Variants in PITPNM2 observed in about 807,000 individuals in gnomAD.
PITPNM2 encodes the protein membrane-associated phosphatidylinositol transfer protein 2.
PITPNM2 carries 35 observed loss-of-function variants against 132.2 expected under a neutral mutation model. The observed-to-expected ratio is 0.26, with a 90% CI of 0.20 to 0.35. PITPNM2 has a LOEUF of 0.35. Among genes scored for constraint, PITPNM2 ranks in the 10% least tolerant of loss-of-function variants. The probability of loss-of-function intolerance (pLI) is 1.00; values close to 1 mark genes in which losing one functional copy is unlikely to be tolerated. For synonymous variants in PITPNM2, 738 were observed against 799.2 expected (o/e 0.92, Z 1.29); for missense variants, 1,332 against 1,912.0 (o/e 0.70, Z 5.66).
chr12:122,989,231 A>T (rs540838189), intron 18 of PITPNM2, among the ~76,000 whole-genome samples: 3 of 151,986 alleles, frequency 2.0e-5, no homozygotes, highest in Non-Finnish European at 4.4e-5. Context: ...CTGTTCTCCT[A>T]TCTTCCCCCA....
chr12:122,991,839 G>A (rs761101477), intron 16 of PITPNM2: 2 of 1,305,676 alleles, frequency 1.5e-6, no homozygotes, highest in Non-Finnish European at 1.9e-6. Flanking sequence ...TCCCCGTGGG[G>A]GAGAGGGGCC....
At chr12:123,100,764 C>T (rs2042545457) in intron 2 of PITPNM2, among the ~76,000 whole-genome samples, 1 of 152,132 alleles carries the variant, frequency 6.6e-6, no homozygotes, top group Non-Finnish European at 1.5e-5. Context: ...ATGAAATGTC[C>T]GGAAAAGGCA....
intron 1 of PITPNM2, among the ~76,000 whole-genome samples, chr12:123,115,593 A>G (rs2042923235): frequency 6.6e-6 from 1 of 152,098 alleles, no homozygotes; most frequent in African/African-American, 2.4e-5. Context: ...ACACACACGC[A>G]TAACAAAGAG....
rs2042959688 is a variant in PITPNM2, at chr12:123,117,810, T to C, written c.-199-7322A>G. ...GGTCCAATTTCCTCTCCCTAAATCA[T>C]ATGTTTAGCCCCCTGGACTCTAGGT... On this transcript the variant is annotated intron_variant, in intron 1 of 25. Coordinates refer to ENST00000320201, the MANE Select transcript of PITPNM2 (RefSeq NM_020845.3). The surrounding 1 kb of genome is among the most constrained non-coding windows in gnomAD (Gnocchi z 4.7). Among the ~76,000 whole-genome samples the C allele has an allele frequency of 6.6e-6, 1 of 152,210 alleles. No individual in the cohort carries two copies. Among genetic ancestry groups the C allele is most frequent in the Non-Finnish European group, 1.5e-5 (1 of 68,034 alleles).
intron 3 of PITPNM2, among the ~76,000 whole-genome samples, chr12:123,028,400 G>A (rs2039942657): frequency 6.6e-6 from 1 of 152,166 alleles, no homozygotes; most frequent in African/African-American, 2.4e-5. Flanking sequence ...TGGCAGAAGT[G>A]GGAAATGATG....
intron 2 of PITPNM2, among the ~76,000 whole-genome samples, chr12:123,074,098 G>A (rs2041702507): frequency 6.6e-6 from 1 of 152,262 alleles, no homozygotes; most frequent in South Asian, 2.1e-4. Flanking sequence ...GAGCGAAGGA[G>A]TGAAAGAGCC....
At chr12:123,013,249 G>C (rs59211448) in intron 4 of PITPNM2, among the ~76,000 whole-genome samples, 6,531 of 152,316 alleles carry the variant, frequency 0.043, 463 homozygotes, top group African/African-American at 0.15. Flanking sequence ...CAGGAGATTT[G>C]TGGGGACCCC....
Position 123,025,307 on chromosome 12 carries a change from C to T in PITPNM2, c.78+9206G>A, listed in dbSNP as rs139983863. Among the ~76,000 whole-genome samples the T allele has an allele frequency of 1.8e-4, 27 of 152,288 alleles. No homozygotes were observed. The East Asian group carries it at 4.8e-3, about 27-fold the overall frequency. On this transcript the variant is annotated intron_variant, in intron 3 of 25. Coordinates refer to ENST00000320201, the MANE Select transcript of PITPNM2 (RefSeq NM_020845.3). ...AAAAATGTGCTATATCTCCATGGCC[C>T]AGAGCGATTGAGTCCCCTTCCAAAA...
rs1437164593 is a variant in PITPNM2, at chr12:123,111,347, G to A, written c.-199-859C>T. Among the ~76,000 whole-genome samples, 5 of 152,264 alleles carry A rather than the reference G, an allele frequency of 3.3e-5. No individual in the cohort carries two copies. The highest frequency in any genetic ancestry group is 5.9e-5 in the Non-Finnish European group (4 of 68,046). On this transcript the variant is annotated intron_variant, in intron 1 of 25. Transcript: ENST00000320201. The surrounding 1 kb of genome is among the most constrained non-coding windows in gnomAD (Gnocchi z 4.1). ...CTTATCTGCTGGCTATGGAAGCTGG[G>A]AGTGTTTCAGGAACTGATGCCCAAT...
At chr12:122,989,701 G>C (rs542660976) in intron 18 of PITPNM2, 86 bp downstream of exon 18, 1 of 1,249,406 alleles carries the variant, frequency 8.0e-7, no homozygotes, top group African/African-American at 1.5e-5. Flanking sequence ...AGGCCGAAGC[G>C]GGGGTCTAGG....
At chr12:123,076,293 C>T (rs1269948885) in intron 2 of PITPNM2, among the ~76,000 whole-genome samples, 1 of 152,166 alleles carries the variant, frequency 6.6e-6, no homozygotes, top group Non-Finnish European at 1.5e-5. Flanking sequence ...CAAAAGCATT[C>T]CTCTCATCCT....
At position 123,097,036 on chromosome 12, in the gene PITPNM2, T is replaced by G. The variant is rs2042428261; in HGVS notation, c.-96+13349A>C. Among the ~76,000 whole-genome samples, 1 of 151,976 alleles carries G rather than the reference T, an allele frequency of 6.6e-6. No homozygotes were observed. The highest frequency in any genetic ancestry group is 1.5e-5 in the Non-Finnish European group (1 of 67,986). ...TTATTTTTATTATTATTTATTTATT[T>G]ATTTATTTTTAATTTATTTTTTTGG... On this transcript the variant is annotated intron_variant, in intron 2 of 25. Coordinates refer to ENST00000320201, the MANE Select transcript of PITPNM2 (RefSeq NM_020845.3). This position sits in a 1 kb window ranked among gnomAD's most constrained non-coding sequence, Gnocchi z 4.7.
rs764432396 is a variant in PITPNM2 at position 122,986,225 on chromosome 12, G to A, written c.3852C>T (p.Gly1284=). Residue 1284 remains glycine (G), a synonymous_variant, in exon 26 of 26, where the codon GGC becomes GGT. Transcript: ENST00000320201. ...RKGSFGLPGQ[G]DFLRSRNHLL... is the part of the protein sequence containing the mutation. ...GGTGGTTCCGGGAGCGCAGAAAGTCGCCCTGGCCGGGCAGGCCGAAGCTGC... is the reference window on the plus strand; with the variant it reads ...GGTGGTTCCGGGAGCGCAGAAAGTCACCCTGGCCGGGCAGGCCGAAGCTGC... The A allele has an allele frequency of 9.6e-6, 15 of 1,568,384 alleles. No individual in the cohort carries two copies. The highest frequency in any genetic ancestry group is 4.0e-5 in the African/African-American group (3 of 74,294).
intron 2 of PITPNM2, among the ~76,000 whole-genome samples, chr12:123,042,941 T>G (rs1010685303): frequency 2.6e-5 from 4 of 151,994 alleles, no homozygotes; most frequent in African/African-American, 9.7e-5. Flanking sequence ...CAGGAGTGTG[T>G]GGCTGCTCTG....
chr12:122,986,035 G>A lies in PITPNM2; in HGVS notation c.4042C>T (p.Pro1348Ser). Residue 1348 changes from proline to serine, a missense_variant, in exon 26 of 26, where the codon CCC becomes TCC. Pro to Ser is a moderately conservative substitution (Grantham distance 74, BLOSUM62 -1). Around this residue, in one of 6 missense-constraint regions of PITPNM2, gnomAD observed 163 missense variants for 177.2 expected, o/e 0.92. Transcript: ENST00000320201. ...GCTGCACTCACGGTGCCCTACTTGG[G>A]GCCCGCGGCTGCCCCCGGCTCCAGG... is the stretch of plus-strand genomic sequence containing the variant. ...GRLEPGAAAGPK is the reference protein window; with the variant it reads ...GRLEPGAAAGSK 1 of 1,401,114 alleles carries A rather than the reference G, an allele frequency of 7.1e-7. No individual in the cohort carries two copies. Among genetic ancestry groups the A allele is most frequent in the Non-Finnish European group, 9.2e-7 (1 of 1,089,688 alleles). 86.8% of individuals were successfully genotyped at this position (1,401,114 alleles called of 1,614,324 possible). A position where few individuals can be genotyped will look rare whatever the true frequency, so the allele number is the denominator to read the frequency against.
rs933317823 is a variant in PITPNM2 at position 123,117,073 on chromosome 12, T to C, written c.-199-6585A>G. Among the ~76,000 whole-genome samples, 1 of 152,202 alleles carries C rather than the reference T, an allele frequency of 6.6e-6. No individual in the cohort carries two copies. The stretch of plus-strand genomic sequence containing the variant: ...AATAGGTAACTGATGGTGGCCAAGC[T>C]CTCTAGCGGGTTTGCAGGAAGTTCT... On this transcript the variant is annotated intron_variant, in intron 1 of 25. Transcript: ENST00000320201. This position sits in a 1 kb window ranked among gnomAD's most constrained non-coding sequence, Gnocchi z 4.7.
rs2038596358 is a variant in PITPNM2 at position 123,000,154 on chromosome 12, G to A, written c.1224+624C>T. 7.8e-6 allele frequency: 4 copies of A among 513,136 alleles called. No homozygotes were observed. Among genetic ancestry groups the A allele is most frequent in the Non-Finnish European group, 1.4e-5 (4 of 290,018 alleles). 31.8% of individuals were successfully genotyped at this position (513,136 alleles called of 1,614,324 possible). On this transcript the variant is annotated intron_variant, in intron 10 of 25. Coordinates refer to ENST00000320201, the MANE Select transcript of PITPNM2 (RefSeq NM_020845.3). The surrounding 1 kb of genome is among the most constrained non-coding windows in gnomAD (Gnocchi z 5.4). ...GCTGCCTCCACCTTAGGTAGCTTGAGGCCAGAGCAGTGCGGTGACCGCAGG... is the reference window on the plus strand; with the variant it reads ...GCTGCCTCCACCTTAGGTAGCTTGAAGCCAGAGCAGTGCGGTGACCGCAGG...
intron 20 of PITPNM2, 94 bp downstream of exon 20, chr12:122,988,140 T>G (rs2038018400): frequency 8.7e-7 from 1 of 1,143,836 alleles, no homozygotes; most frequent in Admixed American, 1.7e-5. Flanking sequence ...TACATAAGAC[T>G]GCAGGCTTCC....
Position 123,012,626 on chromosome 12 carries a change from G to C in PITPNM2, c.402C>G (p.Asn134Lys). The stretch of plus-strand genomic sequence containing the variant: ...CTTCCTGGTTACCGATTGTCAGCTG[G>C]TTCTTTTCCACAGGAGAGAGGTTGA... ...DVFNLSPVEK[N>K]QLTIDFIDIV... The change falls in exon 5 of 26, where the codon AAC becomes AAG. Residue 134 changes from asparagine (N) to lysine (K), a missense_variant. Transcript: ENST00000320201. The C allele has an allele frequency of 6.2e-7, 1 of 1,614,080 alleles. No homozygotes were observed.
Sources: gnomAD v4.1 joint callset for allele counts (sites outside exome capture counted in the v4.1 genomes callset) on GRCh38, gnomAD v4.1.1 for gene constraint, gnomAD v4.1.1 regional missense constraint, Gnocchi (gnomAD v3.1) non-coding constraint, MANE v1.5 for transcripts, NCBI Gene and HGNC (gene_info 2026-07-23, HGNC 2026-07-21) for gene names.